MALT1: variants seen among roughly 807,000 people sequenced by gnomAD.
MALT1 encodes the protein MALT1 paracaspase, also known as mucosa-associated lymphoid tissue lymphoma translocation protein 1.
MALT1 carries 36 observed loss-of-function variants against 85.5 expected under a neutral mutation model. That is an observed-to-expected ratio of 0.42 (90% CI 0.32 to 0.56). The LOEUF (loss-of-function observed/expected upper bound fraction) is 0.56, where lower values mean the gene tolerates loss of function less well. Among genes scored for constraint, MALT1 ranks in the 20% least tolerant of loss-of-function variants. MALT1 has a pLI of 0.10. For missense variants in MALT1, 716 were observed against 981.6 expected, an observed-to-expected ratio of 0.73 and a Z score of 3.62; for synonymous variants, 359 against 361.3, an observed-to-expected ratio of 0.99 and a Z score of 0.07.
Position 58,671,697 on chromosome 18 carries a change from G to A in MALT1, c.54G>A (p.Thr18=), listed in dbSNP as rs933129506. 7.9e-7 allele frequency: 1 copy of A among 1,259,250 alleles called. No individual in the cohort carries two copies. The highest frequency in any genetic ancestry group is 1.0e-6 in the Non-Finnish European group (1 of 1,003,306). 78.0% of individuals were successfully genotyped at this position (1,259,250 alleles called of 1,614,324 possible). A position where few individuals can be genotyped will look rare whatever the true frequency, so the allele number is the denominator to read the frequency against. The change falls in exon 1 of 17, where the codon ACG becomes ACA. Residue 18 remains threonine, a synonymous_variant. Coordinates refer to ENST00000649217, the MANE Select transcript of MALT1 (RefSeq NM_006785.4). ...CCCTGCCGCCCTCGGCCGCCCCCAC[G>A]GGGCCGCTGCTCGCCCCTCCGGCCG... is the stretch of plus-strand genomic sequence containing the variant. ...LQALPPSAAP[T]GPLLAPPAGA... is the part of the protein sequence containing the mutation.
In MALT1 at chr18:58,693,606, G is replaced by A. The variant is rs539115774; in HGVS notation, c.377-2760G>A. ...GGGCCAATGCAGCTGACAACTTTAC[G>A]TTGAAGCCAGTGCCCATTTACCATT... On this transcript the variant is annotated intron_variant, in intron 2 of 16. Transcript: ENST00000649217. 1.9e-4 allele frequency among the ~76,000 whole-genome samples: 29 copies of A among 152,288 alleles called. No individual in the cohort carries two copies. The South Asian group carries it at 4.1e-3, about 22-fold the overall frequency.
chr18:58,684,448 T>G lies in MALT1; in HGVS notation c.376+3112T>G, dbSNP rs912847148. 5.3e-3 allele frequency among the ~76,000 whole-genome samples: 771 copies of G among 145,298 alleles called. 6 individuals are homozygous for G. The highest frequency in any genetic ancestry group is 0.019 in the African/African-American group (748 of 39,484). The stretch of plus-strand genomic sequence containing the variant: ...TAATCTAAGATTTACTCTTTTTTTT[T>G]TTTTTTTTTTTTTTTGAGATGGAGT... On this transcript the variant is annotated intron_variant, in intron 2 of 16. Coordinates refer to ENST00000649217, the MANE Select transcript of MALT1 (RefSeq NM_006785.4).
intron 4 of MALT1, among the ~76,000 whole-genome samples, chr18:58,703,909 C>T (rs895680823): frequency 5.3e-5 from 8 of 152,156 alleles, no homozygotes; most frequent in African/African-American, 1.7e-4. Flanking sequence ...ACCCATTTAA[C>T]ATATATATAG....
At chr18:58,673,198 TTTA>T (rs2054192208) in intron 1 of MALT1, among the ~76,000 whole-genome samples, 3 of 152,240 alleles carry the variant, frequency 2.0e-5, no homozygotes, top group African/African-American at 7.2e-5. Context: ...CAAAATGGTA[TTTA>T]TTAAGTGCTT....
intron 2 of MALT1, chr18:58,690,747 G>T: frequency 9.9e-6 from 2 of 202,288 alleles, no homozygotes; most frequent in South Asian, 1.1e-4. Context: ...CGCCTTCTCA[G>T]GGGTGTCAAG....
At chr18:58,692,407 CCT>C (rs35054606) in intron 2 of MALT1, among the ~76,000 whole-genome samples, 3,211 of 130,286 alleles carry the variant, frequency 0.025, 45 homozygotes, top group Middle Eastern at 0.06. Flanking sequence ...ACTGGCCATT[CCT>C]CTCTCTCTCT....
In MALT1 at chr18:58,748,564, AATGT is replaced by A. The variant is rs752384105; in HGVS notation, c.*723_*726del. The A allele has an allele frequency of 6.4e-5, 12 of 188,074 alleles. No individual in the cohort carries two copies. In the East Asian group the frequency reaches 8.3e-4, roughly 13 times the overall value. 11.7% of individuals were successfully genotyped at this position (188,074 alleles called of 1,614,324 possible). A position where few individuals can be genotyped will look rare whatever the true frequency, so the allele number is the denominator to read the frequency against. On this transcript the variant is annotated 3_prime_UTR_variant, in exon 17 of 17. Coordinates refer to ENST00000649217, the MANE Select transcript of MALT1 (RefSeq NM_006785.4). ...TATGAAACCACATGAGAAGTGATAA[AATGT>A]TTGTTAAAGCTAGATAGAGGTTAAG...
chr18:58,710,787 C>T, intron 6 of MALT1, 134 bp from the exon 7 acceptor site: 1 of 609,168 alleles, frequency 1.6e-6, no homozygotes, highest in Non-Finnish European at 2.9e-6. Flanking sequence ...TTATATTGTT[C>T]ATAGTTGGAG....
At chr18:58,743,247 G>T (rs967337422) in intron 14 of MALT1, among the ~76,000 whole-genome samples, 1 of 151,982 alleles carries the variant, frequency 6.6e-6, no homozygotes, top group African/African-American at 2.4e-5. Context: ...ATGGTGGCAG[G>T]TGCCTGTAAT....
intron 9 of MALT1, among the ~76,000 whole-genome samples, chr18:58,717,746 CA>C (rs35207196): frequency 0.49 from 49,390 of 100,500 alleles, 8,595 homozygotes; most frequent in East Asian, 0.66. Flanking sequence ...ACTCTTGTCT[CA>C]AAAAAAAAAA....
At chr18:58,743,878 C>A (rs2055333227) in intron 14 of MALT1, among the ~76,000 whole-genome samples, 1 of 152,062 alleles carries the variant, frequency 6.6e-6, no homozygotes, top group Admixed American at 6.5e-5. Context: ...TGTAAAGGAA[C>A]AATCACATAG....
intron 13 of MALT1, among the ~76,000 whole-genome samples, chr18:58,739,573 T>C (rs965938353): frequency 2.5e-4 from 38 of 152,202 alleles, no homozygotes; most frequent in African/African-American, 9.2e-4. Flanking sequence ...GTAAAGTAGA[T>C]TGCTCTCCAT....
At chr18:58,715,315 A>G (rs2054883548) in intron 8 of MALT1, among the ~76,000 whole-genome samples, 1 of 152,138 alleles carries the variant, frequency 6.6e-6, no homozygotes, top group Admixed American at 6.5e-5. Context: ...CTCATTTCCC[A>G]CAATTCAGGG....
At chr18:58,737,422 TAGTA>T (rs2055238225) in intron 13 of MALT1, among the ~76,000 whole-genome samples, 1 of 148,910 alleles carries the variant, frequency 6.7e-6, no homozygotes, top group East Asian at 2.0e-4. Flanking sequence ...TTTGAGACTG[TAGTA>T]AGTATGACCA....
At chr18:58,707,909 G>A (rs1404692563) in intron 4 of MALT1, among the ~76,000 whole-genome samples, 4 of 152,162 alleles carry the variant, frequency 2.6e-5, no homozygotes, top group African/African-American at 9.7e-5. Context: ...GAGAAGACTA[G>A]AAATCTCTGT....
intron 1 of MALT1, among the ~76,000 whole-genome samples, chr18:58,673,183 TCA>T (rs2054191776): frequency 1.7e-5 from 2 of 117,610 alleles, no homozygotes; most frequent in Admixed American, 7.8e-5. Flanking sequence ...GGAAAGTCAT[TCA>T]TTCAAAATGG....
rs770349160 is a variant in MALT1 at position 58,700,601 on chromosome 18, G to T, written c.649+10G>T. ...CCAGAGAGCTTCCAGAGTAAGTAAC[G>T]AAAGAAGCTGAATGTTGGGATGGGG... On this transcript the variant is annotated intron_variant, in intron 4 of 16. Coordinates refer to ENST00000649217, the MANE Select transcript of MALT1 (RefSeq NM_006785.4). 6.3e-6 allele frequency: 10 copies of T among 1,578,080 alleles called. No individual in the cohort carries two copies. The highest frequency in any genetic ancestry group is 8.6e-6 in the Non-Finnish European group (10 of 1,168,576).
chr18:58,711,194 G>A (rs528853505), intron 7 of MALT1, among the ~76,000 whole-genome samples: 2 of 152,220 alleles, frequency 1.3e-5, no homozygotes, highest in African/African-American at 4.8e-5. Context: ...TTACATATAA[G>A]AACAAAGTTC....
At chr18:58,705,207 T>A (rs1353094343) in intron 4 of MALT1, among the ~76,000 whole-genome samples, 1 of 152,152 alleles carries the variant, frequency 6.6e-6, no homozygotes, top group Non-Finnish European at 1.5e-5. Context: ...TTATATAGTA[T>A]ACTTTCATTG....
Sources: allele counts gnomAD v4.1 joint callset (sites outside exome capture counted in the v4.1 genomes callset), GRCh38; gene constraint gnomAD v4.1.1; transcripts MANE v1.5; gene names NCBI Gene and HGNC (gene_info 2026-07-23, HGNC 2026-07-21).